DIP2C: variants seen among roughly 807,000 people sequenced by gnomAD.
DIP2C encodes the protein disco-interacting protein 2 homolog C.
In DIP2C, 33 loss-of-function variants were observed where a neutral mutation model predicts 192.4. That is an observed-to-expected ratio of 0.17 (90% confidence interval 0.13 to 0.23). The LOEUF is 0.23. Among genes scored for constraint, DIP2C ranks in the 10% least tolerant of loss-of-function variants. The pLI, the probability that DIP2C is intolerant of heterozygous loss-of-function variation, is 1.00. For missense variants in DIP2C, 1,537 were observed against 2,110.1 expected (o/e 0.73, Z 5.32); for synonymous variants, 979 against 864.1 (o/e 1.13, Z -2.33).
At chr10:489,530 G>C (rs1054564426) in intron 1 of DIP2C, among the ~76,000 whole-genome samples, 1 of 152,230 alleles carries the variant, frequency 6.6e-6, no homozygotes, top group Admixed American at 6.5e-5. Flanking sequence ...TTCAATCAAT[G>C]CCACGCTGTC....
Position 536,455 on chromosome 10 carries a change from G to A in DIP2C, c.86-49925C>T, listed in dbSNP as rs577419788. On this transcript the variant is annotated intron_variant, in intron 1 of 36. Transcript: ENST00000280886. The stretch of plus-strand genomic sequence containing the variant: ...CGTCACAGTCCCGGGGGCTAGAGTT[G>A]TATCTATCTGCAAAGACCCTGTTCC... Among the ~76,000 whole-genome samples, 28 of 152,182 alleles carry A rather than the reference G, an allele frequency of 1.8e-4. No homozygotes were observed. In the South Asian group the frequency reaches 5.8e-3, roughly 32 times the overall value.
At chr10:565,034 G>A (rs965226450) in intron 1 of DIP2C, among the ~76,000 whole-genome samples, 2 of 152,162 alleles carry the variant, frequency 1.3e-5, no homozygotes, top group Admixed American at 1.3e-4. Context: ...TTTGCTACCA[G>A]CAATTTCCCT....
intron 1 of DIP2C, among the ~76,000 whole-genome samples, chr10:670,185 T>C (rs1425180782): frequency 6.6e-6 from 1 of 151,156 alleles, no homozygotes; most frequent in Admixed American, 6.6e-5. Context: ...CATGTACACG[T>C]GTGTACATGT....
chr10:419,259 A>T, intron 5 of DIP2C, 60 bp from the exon 6 acceptor site: 1 of 1,609,808 alleles, frequency 6.2e-7, no homozygotes, highest in Non-Finnish European at 8.5e-7. Context: ...TGAAGGTGGA[A>T]CAAGCCACAG....
chr10:291,659 G>T (rs890480371), intron 32 of DIP2C, among the ~76,000 whole-genome samples: 1 of 152,214 alleles, frequency 6.6e-6, no homozygotes, highest in African/African-American at 2.4e-5. Context: ...GCTGAGTTAA[G>T]ACCCGGGTCA....
chr10:283,567 GAAT>G, intron 34 of DIP2C, 121 bp from the exon 35 acceptor site: 1 of 1,186,360 alleles, frequency 8.4e-7, no homozygotes, highest in South Asian at 1.5e-5. Flanking sequence ...TCCTTGGACT[GAAT>G]AACCAAGATG....
chr10:313,471 T>C (rs1258973991), intron 31 of DIP2C, among the ~76,000 whole-genome samples: 1 of 76,408 alleles, frequency 1.3e-5, no homozygotes, highest in Non-Finnish European at 2.5e-5. Context: ...ATCCCAAATA[T>C]TCGAAAAAAC....
At position 500,120 on chromosome 10, in the gene DIP2C, C is replaced by T. The variant is rs180721874; in HGVS notation, c.86-13590G>A. On this transcript the variant is annotated intron_variant, in intron 1 of 36. Transcript: ENST00000280886. ...CAAGCCTTCACAGCAGATGTGGGTT[C>T]AGCTGGGCCCTCCCCTACATCTGTA... Among the ~76,000 whole-genome samples the T allele has an allele frequency of 2.0e-3, 302 of 152,370 alleles. 1 individual carries two copies. Among genetic ancestry groups the T allele is most frequent in the Middle Eastern group, 0.014 (4 of 294 alleles).
At chr10:614,499 C>T (rs950097342) in intron 1 of DIP2C, among the ~76,000 whole-genome samples, 1 of 152,192 alleles carries the variant, frequency 6.6e-6, no homozygotes, top group Non-Finnish European at 1.5e-5. Flanking sequence ...CTAAGGGATC[C>T]CCCCACGAGG....
chr10:382,077 ACAGGAAGAGGTTTGGGCTTTACTT>A (rs976290809), intron 17 of DIP2C, among the ~76,000 whole-genome samples: 1 of 152,250 alleles, frequency 6.6e-6, no homozygotes, highest in Non-Finnish European at 1.5e-5. Context: ...TGCGTATCAC[ACAGGAAGAGGTTTGGGCTTTACTT>A]CTGGTGCATG....
intron 2 of DIP2C, among the ~76,000 whole-genome samples, chr10:483,618 C>T (rs1457485050): frequency 6.6e-6 from 1 of 152,180 alleles, no homozygotes; most frequent in Admixed American, 6.5e-5. Context: ...GACCTCGTGG[C>T]TAAAACCCAG....
chr10:390,646 A>G (rs1250347445), intron 11 of DIP2C, 94 bp downstream of exon 11: 3 of 1,528,462 alleles, frequency 2.0e-6, no homozygotes, highest in Non-Finnish European at 1.8e-6. Context: ...TTCATTCCAC[A>G]GAGGATTGAA....
At chr10:491,189 G>A (rs749350096) in intron 1 of DIP2C, among the ~76,000 whole-genome samples, 2 of 152,130 alleles carry the variant, frequency 1.3e-5, no homozygotes, top group Non-Finnish European at 2.9e-5. Flanking sequence ...CTTGGGAGCC[G>A]CGTGACCCTA....
At chr10:377,583 C>T (rs765359029) in intron 17 of DIP2C, among the ~76,000 whole-genome samples, 3 of 152,140 alleles carry the variant, frequency 2.0e-5, no homozygotes, top group Non-Finnish European at 4.4e-5. Context: ...CTCTTACATG[C>T]GGGATTATGG....
chr10:548,213 C>CG (rs796335089), intron 1 of DIP2C, among the ~76,000 whole-genome samples: 3 of 100,208 alleles, frequency 3.0e-5, no homozygotes, highest in Non-Finnish European at 4.4e-5. Context: ...GCCCCACCCC[C>CG]CCCCCCACAG....
intron 1 of DIP2C, among the ~76,000 whole-genome samples, chr10:549,403 G>A (rs749289585): frequency 1.2e-4 from 18 of 152,132 alleles, no homozygotes; most frequent in South Asian, 2.1e-4. Context: ...GATACAACGC[G>A]TCCACACACG....
At chr10:335,294 A>T (rs1313377740) in intron 29 of DIP2C, among the ~76,000 whole-genome samples, 1 of 152,220 alleles carries the variant, frequency 6.6e-6, no homozygotes, top group Non-Finnish European at 1.5e-5. Context: ...TGGATTATCT[A>T]ATGGTGAATC....
rs1164271381 is a variant in DIP2C at position 436,523 on chromosome 10, G to A, written c.394+4348C>T. Among the ~76,000 whole-genome samples, 4 of 151,294 alleles carry A rather than the reference G, an allele frequency of 2.6e-5. No homozygotes were observed. The East Asian group carries it at 7.8e-4, about 29-fold the overall frequency. On this transcript the variant is annotated intron_variant, in intron 4 of 36. Transcript: ENST00000280886. ...GAGCTCCGCCTCCTGGACGTAGTAG[G>A]GTGGCCATGCTCCACCCACACCTGA...
At chr10:361,687 TA>T (rs1490020585) in intron 22 of DIP2C, among the ~76,000 whole-genome samples, 1 of 152,150 alleles carries the variant, frequency 6.6e-6, no homozygotes, top group Admixed American at 6.5e-5. Context: ...GACACCATTA[TA>T]AATCTTCATA....
Sources: gnomAD v4.1 joint callset for allele counts (sites outside exome capture counted in the v4.1 genomes callset) on GRCh38, gnomAD v4.1.1 for gene constraint, MANE v1.5 for transcripts, NCBI Gene and HGNC (gene_info 2026-07-23, HGNC 2026-07-21) for gene names.